The following AGBL4 variants were observed in gnomAD, a reference collection of about 807,000 sequenced individuals.
AGBL4 encodes AGBL carboxypeptidase 4.
A neutral mutation model predicts 66.4 loss-of-function variants in AGBL4; 58 were observed. That is an observed-to-expected ratio of 0.87 (90% CI 0.71 to 1.09). The LOEUF (loss-of-function observed/expected upper bound fraction) is 1.09, where lower values mean the gene tolerates loss of function less well. AGBL4 is among the 50% of genes least tolerant of loss of function. AGBL4 has a pLI of 0.00. For synonymous variants in AGBL4, 234 were observed against 222.9 expected (o/e 1.05, Z -0.44); for missense variants, 579 against 631.0 (o/e 0.92, Z 0.88).
At chr1:49,476,078 T>A (rs568032550) in intron 3 of AGBL4, among the ~76,000 whole-genome samples, 2 of 152,080 alleles carry the variant, frequency 1.3e-5, no homozygotes, top group Admixed American at 6.6e-5. Context: ...CTCTTAACAC[T>A]GCTTTTGCTG....
chr1:49,974,580 G>A (rs1658406753), intron 1 of AGBL4, among the ~76,000 whole-genome samples: 1 of 152,172 alleles, frequency 6.6e-6, no homozygotes, highest in Admixed American at 6.5e-5. Context: ...CCTAGGAACA[G>A]AAATCTGGTA....
At chr1:49,525,826 G>A (rs765045034) in intron 3 of AGBL4, among the ~76,000 whole-genome samples, 1 of 152,056 alleles carries the variant, frequency 6.6e-6, no homozygotes, top group Non-Finnish European at 1.5e-5. Context: ...AGTGGCTCAC[G>A]CCTGTAATCC....
At chr1:48,895,853 G>A (rs1651454885) in intron 5 of AGBL4, among the ~76,000 whole-genome samples, 1 of 152,208 alleles carries the variant, frequency 6.6e-6, no homozygotes, top group African/African-American at 2.4e-5. Flanking sequence ...CATGGGCAGT[G>A]GCAGTGCAAC....
At chr1:49,098,370 A>G (rs578258414) in intron 4 of AGBL4, among the ~76,000 whole-genome samples, 7 of 152,352 alleles carry the variant, frequency 4.6e-5, no homozygotes, top group South Asian at 4.1e-4. Flanking sequence ...CAAACTGGAC[A>G]TAGAAGACCC....
chr1:48,677,269 A>G (rs1222796115), intron 6 of AGBL4, among the ~76,000 whole-genome samples: 2 of 152,122 alleles, frequency 1.3e-5, no homozygotes, highest in Admixed American at 6.5e-5. Context: ...GTCTCAGGGA[A>G]CTCACAAAGC....
At chr1:48,893,546 A>C (rs7544773) in intron 5 of AGBL4, among the ~76,000 whole-genome samples, 1 of 151,576 alleles carries the variant, frequency 6.6e-6, no homozygotes, top group African/African-American at 2.4e-5. Context: ...TTAGCTGGGC[A>C]TGGTGGTGGG....
intron 4 of AGBL4, among the ~76,000 whole-genome samples, chr1:49,194,401 G>C (rs965628991): frequency 6.6e-6 from 1 of 152,022 alleles, no homozygotes; most frequent in Non-Finnish European, 1.5e-5. Context: ...CAGTGTATAT[G>C]TGTTTTTACA....
At chr1:48,739,396 G>A (rs1488461742) in intron 6 of AGBL4, among the ~76,000 whole-genome samples, 1 of 152,134 alleles carries the variant, frequency 6.6e-6, no homozygotes, top group Non-Finnish European at 1.5e-5. Flanking sequence ...AACTTCCTCA[G>A]CCTGGCTTTG....
At chr1:48,846,393 G>GAAATAAAT (rs1385463551) in intron 6 of AGBL4, among the ~76,000 whole-genome samples, 4 of 150,408 alleles carry the variant, frequency 2.7e-5, no homozygotes, top group African/African-American at 9.8e-5. Context: ...AAGAAAGAAA[G>GAAATAAAT]AAAGAAAGAA....
chr1:48,605,070 C>T (rs1645134947), intron 9 of AGBL4, among the ~76,000 whole-genome samples: 1 of 152,182 alleles, frequency 6.6e-6, no homozygotes, highest in African/African-American at 2.4e-5. Context: ...TTATCTCATT[C>T]TTAATGTACC....
intron 5 of AGBL4, among the ~76,000 whole-genome samples, chr1:48,974,336 A>G (rs1044905465): frequency 2.6e-5 from 4 of 152,148 alleles, no homozygotes; most frequent in Admixed American, 6.6e-5. Flanking sequence ...AGGGCAGCCT[A>G]TGGAATGTGT....
intron 3 of AGBL4, among the ~76,000 whole-genome samples, chr1:49,279,903 C>T (rs1209449844): frequency 6.6e-6 from 1 of 152,150 alleles, no homozygotes; most frequent in Non-Finnish European, 1.5e-5. Flanking sequence ...AATGAGAAAC[C>T]ACCATGCTAG....
intron 3 of AGBL4, among the ~76,000 whole-genome samples, chr1:49,522,423 AT>A (rs1244116672): frequency 1.3e-5 from 2 of 152,002 alleles, no homozygotes; most frequent in Non-Finnish European, 2.9e-5. Context: ...TCTCATCGTA[AT>A]TTTTTCCACA....
intron 3 of AGBL4, among the ~76,000 whole-genome samples, chr1:49,335,674 C>A (rs549882667): frequency 1.3e-5 from 2 of 152,104 alleles, no homozygotes; most frequent in Non-Finnish European, 2.9e-5. Flanking sequence ...CGCCACCACA[C>A]CCGGCTAATT....
intron 2 of AGBL4, among the ~76,000 whole-genome samples, chr1:49,792,797 G>A (rs568278195): frequency 1.3e-5 from 2 of 152,088 alleles, no homozygotes; most frequent in East Asian, 3.9e-4. Flanking sequence ...AAAAAGGTAA[G>A]AGGAATATAG....
chr1:49,577,063 T>A (rs1644451725), intron 3 of AGBL4, among the ~76,000 whole-genome samples: 1 of 152,312 alleles, frequency 6.6e-6, no homozygotes, highest in East Asian at 1.9e-4. Context: ...GGAAGCATGA[T>A]CAGGGACTTG....
chr1:49,815,703 C>T (rs1012228474), intron 2 of AGBL4, among the ~76,000 whole-genome samples: 24 of 152,060 alleles, frequency 1.6e-4, no homozygotes, highest in African/African-American at 5.1e-4. Context: ...TGGTTATGAG[C>T]CATTTTAACT....
rs568226929 is a variant in AGBL4, at chr1:50,023,871, C to G, written c.-75G>C. The G allele has an allele frequency of 1.4e-6, 2 of 1,479,062 alleles. No homozygotes were observed. The highest frequency in any genetic ancestry group is 1.8e-6 in the Non-Finnish European group (2 of 1,099,662). 91.6% of individuals were successfully genotyped at this position (1,479,062 alleles called of 1,614,324 possible). Reference sequence around the variant, plus strand: ...GGGAGCGGGTGGTGGGATCAGTGGGCTGACAGGAGCTACCTCAGGAAGACG... The same window carrying G: ...GGGAGCGGGTGGTGGGATCAGTGGGGTGACAGGAGCTACCTCAGGAAGACG... On this transcript the variant is annotated 5_prime_UTR_variant, in exon 1 of 14. Transcript: ENST00000371839.
intron 3 of AGBL4, among the ~76,000 whole-genome samples, chr1:49,344,768 A>G (rs1490523330): frequency 6.6e-6 from 1 of 152,230 alleles, no homozygotes; most frequent in Admixed American, 6.5e-5. Context: ...GCAGTATATT[A>G]ATGTAAATCT....
Sources: gnomAD v4.1 joint callset for allele counts (sites outside exome capture counted in the v4.1 genomes callset) on GRCh38, gnomAD v4.1.1 for gene constraint, MANE v1.5 for transcripts, NCBI Gene and HGNC (gene_info 2026-07-23, HGNC 2026-07-21) for gene names.